The following NCOA1 variants were observed in gnomAD, a reference collection of about 807,000 sequenced individuals.
NCOA1 encodes the protein nuclear receptor coactivator 1, also known as Hin-2 protein.
Under a neutral mutation model 150.9 loss-of-function variants are expected in NCOA1, and 35 were observed. The observed-to-expected ratio is 0.23, with a 90% CI of 0.18 to 0.31. The LOEUF (loss-of-function observed/expected upper bound fraction) is 0.31. Ranked by LOEUF, NCOA1 falls within the 10% of genes least tolerant of loss-of-function variation. The pLI is 1.00. For missense variants in NCOA1, 1,491 were observed against 1,749.3 expected, an observed-to-expected ratio of 0.85 and a Z score of 2.63; for synonymous variants, 590 against 630.0, an observed-to-expected ratio of 0.94 and a Z score of 0.95.
rs902142203 is a variant in NCOA1 at position 24,604,451 on chromosome 2, G to T, written c.-175+19891G>T. On this transcript the variant is annotated intron_variant, in intron 3 of 22. Transcript: ENST00000348332. ...CATCTACATTGAAATCTGCTGTTTA[G>T]TGTGGCCACTTTCATCATAGTTAGA... Among the ~76,000 whole-genome samples, 57 of 152,198 alleles carry T rather than the reference G, an allele frequency of 3.7e-4. 1 individual carries two copies. The highest frequency in any genetic ancestry group is 1.1e-3 in the African/African-American group (46 of 41,448).
intron 1 of NCOA1, among the ~76,000 whole-genome samples, chr2:24,559,725 A>G (rs1463818172): frequency 6.6e-6 from 1 of 151,892 alleles, no homozygotes; most frequent in Admixed American, 6.6e-5. Flanking sequence ...TTTCTTTGGT[A>G]TTGGTGCAGG....
At chr2:24,728,591 C>T (rs992754680) in intron 16 of NCOA1, 115 bp downstream of exon 16, 2 of 822,794 alleles carry the variant, frequency 2.4e-6, no homozygotes, top group South Asian at 2.9e-5. Context: ...TTATAATTTA[C>T]CTCTTGTGAA....
intron 15 of NCOA1, among the ~76,000 whole-genome samples, chr2:24,726,966 A>G (rs1237969465): frequency 6.6e-6 from 1 of 151,590 alleles, no homozygotes; most frequent in Non-Finnish European, 1.5e-5. Flanking sequence ...GTGAAACCCC[A>G]TCTCTACTAA....
At chr2:24,657,065 C>T (rs566096750) in intron 4 of NCOA1, among the ~76,000 whole-genome samples, 7 of 152,298 alleles carry the variant, frequency 4.6e-5, no homozygotes, top group African/African-American at 1.2e-4. Context: ...CAAATGGCTA[C>T]GCTAATTTAC....
rs181890096 is a variant in NCOA1, at chr2:24,554,913, G to T, written c.-395-9382G>T. ...TTCTCTACTTACCGTTTTGATGAAT[G>T]TTGTACCTTGGTATCCCAGACGAGG... is the stretch of plus-strand genomic sequence containing the variant. On this transcript the variant is annotated intron_variant, in intron 1 of 22. Transcript: ENST00000348332. Among the ~76,000 whole-genome samples the T allele has an allele frequency of 3.7e-4, 57 of 152,278 alleles. 1 individual carries two copies. Among genetic ancestry groups the T allele is most frequent in the African/African-American group, 1.3e-3 (54 of 41,550 alleles).
At position 24,578,832 on chromosome 2, in the gene NCOA1, A is replaced by G. The variant is rs545928036; in HGVS notation, c.-259-5644A>G. Among the ~76,000 whole-genome samples, 3 of 152,332 alleles carry G rather than the reference A, an allele frequency of 2.0e-5. No homozygotes were observed. In the East Asian group the frequency reaches 5.8e-4, roughly 29 times the overall value. The stretch of plus-strand genomic sequence containing the variant: ...AAGCTATATTAGAGCTGCATTCACA[A>G]TACTATTACTTATCATAGTAAAAGC... On this transcript the variant is annotated intron_variant, in intron 2 of 22. Coordinates refer to ENST00000348332, the MANE Select transcript of NCOA1 (RefSeq NM_003743.5).
chr2:24,739,319 A>G (rs1663486830), intron 17 of NCOA1, 113 bp from the exon 18 acceptor site: 2 of 738,300 alleles, frequency 2.7e-6, no homozygotes, highest in Non-Finnish European at 4.6e-6. Context: ...TAATCTAACC[A>G]AACCTGCAAC....
intron 1 of NCOA1, among the ~76,000 whole-genome samples, chr2:24,538,288 C>T (rs539095644): frequency 1.3e-5 from 2 of 152,300 alleles, no homozygotes; most frequent in South Asian, 4.1e-4. Context: ...TGGCAGAATG[C>T]TCATAGACTA....
At chr2:24,496,055 T>A (rs1210393688) in intron 1 of NCOA1, among the ~76,000 whole-genome samples, 2 of 152,200 alleles carry the variant, frequency 1.3e-5, no homozygotes, top group Non-Finnish European at 2.9e-5. Context: ...GGAGTCACAT[T>A]GACTCTGTGG....
At chr2:24,513,566 A>T (rs184840704) in intron 1 of NCOA1, among the ~76,000 whole-genome samples, 3 of 152,300 alleles carry the variant, frequency 2.0e-5, no homozygotes, top group African/African-American at 7.2e-5. Flanking sequence ...GTGCATTTCT[A>T]TAGAGAGCTT....
intron 3 of NCOA1, among the ~76,000 whole-genome samples, chr2:24,595,331 A>G (rs1011815862): frequency 7.9e-5 from 12 of 152,158 alleles, no homozygotes; most frequent in African/African-American, 2.9e-4. Flanking sequence ...TTTACAAAAC[A>G]GAAGTTTCTT....
chr2:24,670,584 A>G (rs1383146345), intron 6 of NCOA1, among the ~76,000 whole-genome samples: 1 of 152,246 alleles, frequency 6.6e-6, no homozygotes, highest in Non-Finnish European at 1.5e-5. Context: ...ATATGACCAC[A>G]TATTGTATGA....
chr2:24,522,244 T>A (rs1664448134), intron 1 of NCOA1, among the ~76,000 whole-genome samples: 1 of 152,178 alleles, frequency 6.6e-6, no homozygotes, highest in South Asian at 2.1e-4. Context: ...TCATAATGAC[T>A]TAGTTTTTAT....
intron 8 of NCOA1, among the ~76,000 whole-genome samples, chr2:24,688,531 G>C (rs573806266): frequency 3.3e-5 from 5 of 152,180 alleles, no homozygotes; most frequent in South Asian, 2.1e-4. Flanking sequence ...TCACATGCTT[G>C]TTGGCCATAT....
intron 1 of NCOA1, among the ~76,000 whole-genome samples, chr2:24,543,396 C>T (rs971208700): frequency 5.9e-5 from 9 of 152,184 alleles, no homozygotes; most frequent in African/African-American, 2.2e-4. Context: ...GACCCAAACA[C>T]CTTCCACCAG....
At chr2:24,689,187 C>T (rs62142344) in intron 8 of NCOA1, among the ~76,000 whole-genome samples, 22,736 of 152,042 alleles carry the variant, frequency 0.15, 2,073 homozygotes, top group Non-Finnish European at 0.21. Flanking sequence ...TGCTTAGGAT[C>T]GCCTTGGCTA....
intron 1 of NCOA1, among the ~76,000 whole-genome samples, chr2:24,522,072 A>G (rs1198942336): frequency 6.6e-6 from 1 of 152,136 alleles, no homozygotes; most frequent in East Asian, 1.9e-4. Flanking sequence ...AATGGAATGT[A>G]AGTTCTATGA....
chr2:24,729,605 T>A lies in NCOA1; in HGVS notation c.2991T>A (p.Ser997=). 3 of 1,614,140 alleles carry A rather than the reference T, an allele frequency of 1.9e-6. No individual in the cohort carries two copies. The highest frequency in any genetic ancestry group is 1.7e-6 in the Non-Finnish European group (2 of 1,180,012). ...RPNLYSQPYS[S]PSPTANLPSP... Reference sequence around the variant, plus strand: ...ACCTTTATTCCCAGCCTTACTCTTCTCCTTCTCCTACTGCCAATCTCCCTA... The same window carrying A: ...ACCTTTATTCCCAGCCTTACTCTTCACCTTCTCCTACTGCCAATCTCCCTA... Residue 997 remains serine (S), a synonymous_variant, in exon 17 of 23, where the codon TCT becomes TCA. Coordinates refer to ENST00000348332, the MANE Select transcript of NCOA1 (RefSeq NM_003743.5).
At chr2:24,644,629 C>T (rs568483062) in intron 4 of NCOA1, among the ~76,000 whole-genome samples, 3 of 151,884 alleles carry the variant, frequency 2.0e-5, no homozygotes, top group East Asian at 1.9e-4. Context: ...CTGAATAGAA[C>T]CAGTATATCC....
Sources: gnomAD v4.1 joint callset for allele counts (sites outside exome capture counted in the v4.1 genomes callset) on GRCh38, gnomAD v4.1.1 for gene constraint, MANE v1.5 for transcripts, NCBI Gene and HGNC (gene_info 2026-07-23, HGNC 2026-07-21) for gene names.